The following CNTN1 variants were observed in gnomAD, a reference collection of about 807,000 sequenced individuals.
CNTN1 encodes the protein contactin 1.
Under a neutral mutation model 126.4 loss-of-function variants are expected in CNTN1, and 38 were observed. That is an observed-to-expected ratio of 0.30 (90% CI 0.23 to 0.39). The LOEUF (loss-of-function observed/expected upper bound fraction) is 0.39. CNTN1 is among the 10% of genes least tolerant of loss of function. The probability of loss-of-function intolerance (pLI) is 1.00; values close to 1 mark genes in which losing one functional copy is unlikely to be tolerated. For synonymous variants in CNTN1, 413 were observed against 422.6 expected (o/e 0.98, Z 0.28); for missense variants, 1,009 against 1,248.4 (o/e 0.81, Z 2.89).
At chr12:40,843,909 A>C (rs1942385006) in intron 1 of CNTN1, among the ~76,000 whole-genome samples, 1 of 152,042 alleles carries the variant, frequency 6.6e-6, no homozygotes. Flanking sequence ...TTTTGAGAGA[A>C]GTGGTTATTT....
At chr12:40,899,867 G>A (rs1429983298) in intron 1 of CNTN1, among the ~76,000 whole-genome samples, 1 of 152,112 alleles carries the variant, frequency 6.6e-6, no homozygotes, top group Non-Finnish European at 1.5e-5. Flanking sequence ...TGAAAAATAT[G>A]TTAATTATTA....
intron 3 of CNTN1, 121 bp from the exon 4 acceptor site, chr12:40,918,518 G>A: frequency 1.1e-6 from 1 of 902,240 alleles, no homozygotes; most frequent in Admixed American, 2.3e-5. Context: ...AAATATCTTT[G>A]TTTTGAATTA....
chr12:40,872,894 A>G (rs1427799917), intron 1 of CNTN1, among the ~76,000 whole-genome samples: 4 of 152,214 alleles, frequency 2.6e-5, no homozygotes, highest in African/African-American at 9.6e-5. Context: ...TTCTTGTTGC[A>G]TATTTACAGC....
intron 1 of CNTN1, among the ~76,000 whole-genome samples, chr12:40,882,290 T>G (rs1214404709): frequency 6.6e-6 from 1 of 151,816 alleles, no homozygotes; most frequent in Non-Finnish European, 1.5e-5. Context: ...ATTAGTGATT[T>G]GTTCTGATTA....
chr12:40,792,574 C>A (rs1244944837), intron 1 of CNTN1, among the ~76,000 whole-genome samples: 3 of 151,738 alleles, frequency 2.0e-5, no homozygotes, highest in African/African-American at 7.3e-5. Flanking sequence ...ATACAGAAAG[C>A]CTTGAGGACA....
At chr12:40,924,114 C>A (rs745414635) in intron 5 of CNTN1, among the ~76,000 whole-genome samples, 2 of 152,244 alleles carry the variant, frequency 1.3e-5, no homozygotes, top group African/African-American at 4.8e-5. Context: ...CACCCTTATT[C>A]CTTCCCGATA....
chr12:41,032,698 C>T (rs1041810607), intron 23 of CNTN1, among the ~76,000 whole-genome samples: 9 of 152,230 alleles, frequency 5.9e-5, no homozygotes, highest in Non-Finnish European at 1.2e-4. Context: ...GCAGGCTACT[C>T]TGAGTAAATC....
At chr12:40,791,470 A>C (rs2136465992) in intron 1 of CNTN1, among the ~76,000 whole-genome samples, 1 of 152,124 alleles carries the variant, frequency 6.6e-6, no homozygotes, top group East Asian at 1.9e-4. Flanking sequence ...ACATGTGGGC[A>C]CTGAATTTTT....
At chr12:40,972,537 TTAAA>T in intron 15 of CNTN1, 1 of 826,192 alleles carries the variant, frequency 1.2e-6, no homozygotes, top group Non-Finnish European at 1.5e-6. Context: ...AATATAACTC[TTAAA>T]TTATTATATG....
At chr12:40,839,241 AAACTT>A (rs1315786764) in intron 1 of CNTN1, among the ~76,000 whole-genome samples, 7 of 152,312 alleles carry the variant, frequency 4.6e-5, no homozygotes, top group African/African-American at 1.4e-4. Flanking sequence ...TATAGAAAAA[AAACTT>A]AAAAAGAATG....
At chr12:40,768,495 TTTTC>T (rs1441686546) in intron 1 of CNTN1, among the ~76,000 whole-genome samples, 1 of 152,234 alleles carries the variant, frequency 6.6e-6, no homozygotes, top group African/African-American at 2.4e-5. Flanking sequence ...CCCTCTGTCT[TTTTC>T]TCAACTAGGC....
chr12:40,709,951 T>G (rs2121158679), intron 1 of CNTN1, among the ~76,000 whole-genome samples: 2 of 152,318 alleles, frequency 1.3e-5, no homozygotes, highest in African/African-American at 4.8e-5. Context: ...ACTGTTACAT[T>G]TTTTCAAGAA....
At chr12:40,870,790 A>G (rs1943459680) in intron 1 of CNTN1, among the ~76,000 whole-genome samples, 1 of 152,112 alleles carries the variant, frequency 6.6e-6, no homozygotes. Context: ...TCACACACAA[A>G]TAAATAAAAA....
chr12:40,908,286 C>T (rs1169195799), intron 1 of CNTN1, 71 bp from the exon 2 acceptor site: 6 of 591,006 alleles, frequency 1.0e-5, no homozygotes, highest in African/African-American at 5.7e-5. Flanking sequence ...TTCTCCTCTC[C>T]TCCTCTCCCC....
At chr12:40,945,403 G>A (rs1566007544) in intron 14 of CNTN1, among the ~76,000 whole-genome samples, 1 of 151,944 alleles carries the variant, frequency 6.6e-6, no homozygotes, top group Non-Finnish European at 1.5e-5. Context: ...AAGCTAAACA[G>A]GGATCTTACT....
At chr12:40,991,538 G>C (rs1948095156) in intron 16 of CNTN1, among the ~76,000 whole-genome samples, 1 of 152,138 alleles carries the variant, frequency 6.6e-6, no homozygotes, top group Non-Finnish European at 1.5e-5. Context: ...CAGTAAAAAA[G>C]GGCTACCTTG....
chr12:41,007,714 C>A (rs113915920), intron 17 of CNTN1, among the ~76,000 whole-genome samples: 171 of 152,312 alleles, frequency 1.1e-3, no homozygotes, highest in African/African-American at 3.8e-3. Flanking sequence ...GGTTGTCCCA[C>A]TCTAATGTTA....
intron 23 of CNTN1, among the ~76,000 whole-genome samples, chr12:41,046,279 T>C (rs7305416): frequency 0.078 from 11,829 of 152,146 alleles, 664 homozygotes; most frequent in African/African-American, 0.15. Flanking sequence ...GAAACTTGGA[T>C]GGTAAAAAAT....
At chr12:40,721,722 C>A (rs1332016174) in intron 1 of CNTN1, among the ~76,000 whole-genome samples, 7 of 123,142 alleles carry the variant, frequency 5.7e-5, no homozygotes, top group Non-Finnish European at 1.1e-4. Flanking sequence ...CCACAACAGT[C>A]CCCAGAGTGT....
Sources: gnomAD v4.1 joint callset for allele counts (sites outside exome capture counted in the v4.1 genomes callset) on GRCh38, gnomAD v4.1.1 for gene constraint, MANE v1.5 for transcripts, NCBI Gene and HGNC (gene_info 2026-07-23, HGNC 2026-07-21) for gene names.